The following UNC13C variants were observed in gnomAD, a reference collection of about 807,000 sequenced individuals.
UNC13C encodes protein unc-13 homolog C.
A neutral mutation model predicts 245.4 loss-of-function variants in UNC13C; 174 were observed. The observed-to-expected ratio is 0.71, with a 90% CI of 0.63 to 0.80. The LOEUF (loss-of-function observed/expected upper bound fraction) is 0.80. Ranked by LOEUF, UNC13C falls within the 30% of genes least tolerant of loss-of-function variation. The pLI is 0.00. For missense variants in UNC13C, 2,829 were observed against 2,602.9 expected, an observed-to-expected ratio of 1.09 and a Z score of -1.89; for synonymous variants, 992 against 895.1, an observed-to-expected ratio of 1.11 and a Z score of -1.93.
chr15:54,444,727 C>T (rs1457741506), intron 19 of UNC13C, among the ~76,000 whole-genome samples: 1 of 151,754 alleles, frequency 6.6e-6, no homozygotes, highest in Non-Finnish European at 1.5e-5. Flanking sequence ...TCCTTTTGTG[C>T]ATTTTTATGA....
chr15:54,626,855 G>T lies in UNC13C; in HGVS notation c.6387G>T (p.Gly2129=). Residue 2129 remains glycine, a synonymous_variant, in exon 33 of 33, where the codon GGG becomes GGT. Transcript: ENST00000260323. ...TTCTCGGAAAGGAAAATCGACCAGG[G>T]GCTTATGAACTTCATCTCTCAGTTA... ...QFILGKENRP[G]AYELHLSVKD... 1 of 1,612,774 alleles carries T rather than the reference G, an allele frequency of 6.2e-7. No individual in the cohort carries two copies. The highest frequency in any genetic ancestry group is 2.2e-5 in the East Asian group (1 of 44,798).
chr15:54,479,676 C>T (rs1460374923), intron 19 of UNC13C, among the ~76,000 whole-genome samples: 3 of 151,646 alleles, frequency 2.0e-5, no homozygotes, highest in African/African-American at 4.8e-5. Flanking sequence ...TTTGCCTTTA[C>T]AATTTTTTGG....
intron 4 of UNC13C, among the ~76,000 whole-genome samples, chr15:54,209,985 G>T (rs2034829558): frequency 6.6e-6 from 1 of 151,802 alleles, no homozygotes; most frequent in Non-Finnish European, 1.5e-5. Context: ...GAATATTTTT[G>T]AATCAATTTT....
chr15:54,380,609 C>T (rs1224195887), intron 17 of UNC13C, among the ~76,000 whole-genome samples: 1 of 151,450 alleles, frequency 6.6e-6, no homozygotes, highest in East Asian at 1.9e-4. Flanking sequence ...TCTTTATGTC[C>T]TAACCAACAC....
chr15:54,120,836 G>T (rs1309965022), intron 2 of UNC13C, among the ~76,000 whole-genome samples: 2 of 152,056 alleles, frequency 1.3e-5, no homozygotes, highest in African/African-American at 2.4e-5. Flanking sequence ...AGATGTGGTA[G>T]AACTAAAAAG....
At position 54,192,506 on chromosome 15, in the gene UNC13C, C is replaced by T. The variant is rs914161413; in HGVS notation, c.3072-42524C>T. 2.6e-5 allele frequency among the ~76,000 whole-genome samples: 4 copies of T among 152,140 alleles called. No homozygotes were observed. In the East Asian group the frequency reaches 7.7e-4, roughly 29 times the overall value. The stretch of plus-strand genomic sequence containing the variant: ...AACTGTGATTGGCAGCTGCCAGACT[C>T]TTCACAATACAGCCCCTTTCCTCCA... On this transcript the variant is annotated intron_variant, in intron 4 of 32. Coordinates refer to ENST00000260323, the MANE Select transcript of UNC13C (RefSeq NM_001080534.3).
chr15:54,628,343 G>A lies in UNC13C; in HGVS notation c.*1230G>A, dbSNP rs1361711034. ...TAACTTATGGTCATAACTGTTAGTG[G>A]ACTACTTACAGAAGCAGAAACAAGA... On this transcript the variant is annotated 3_prime_UTR_variant, in exon 33 of 33. Coordinates refer to ENST00000260323, the MANE Select transcript of UNC13C (RefSeq NM_001080534.3). 6.6e-6 allele frequency: 1 copy of A among 152,494 alleles called. No homozygotes were observed. The allele number at this position is 152,494 out of a possible 1,614,324, so 9.4% of individuals were successfully genotyped here. A position where few individuals can be genotyped will look rare whatever the true frequency, so the allele number is the denominator to read the frequency against.
At chr15:54,410,206 C>A (rs185699364) in intron 18 of UNC13C, among the ~76,000 whole-genome samples, 2 of 152,202 alleles carry the variant, frequency 1.3e-5, no homozygotes, top group East Asian at 3.9e-4. Flanking sequence ...GTTCTTTGTT[C>A]ATTTTTAATG....
In UNC13C at chr15:54,282,285, A is replaced by G. The variant is rs1182790602; in HGVS notation, c.3819-11610A>G. ...TATACATACATATACACATACATATATATCATCAATTCAATATGTATATAT... is the reference window on the plus strand; with the variant it reads ...TATACATACATATACACATACATATGTATCATCAATTCAATATGTATATAT... On this transcript the variant is annotated intron_variant, in intron 10 of 32. Coordinates refer to ENST00000260323, the MANE Select transcript of UNC13C (RefSeq NM_001080534.3). Among the ~76,000 whole-genome samples the G allele has an allele frequency of 3.9e-5, 6 of 152,230 alleles. No individual in the cohort carries two copies. The South Asian group carries it at 1.0e-3, about 26-fold the overall frequency.
chr15:53,932,180 G>A, the UNC13C span, among the ~76,000 whole-genome samples: 1 of 151,962 alleles, frequency 6.6e-6, no homozygotes, highest in African/African-American at 2.4e-5. Flanking sequence ...GTGGTGGCAC[G>A]TGCCTGTAGT....
intron 15 of UNC13C, 59 bp downstream of exon 15, chr15:54,332,170 C>T (rs1366252939): frequency 2.0e-5 from 24 of 1,225,972 alleles, no homozygotes; most frequent in Non-Finnish European, 1.4e-5. Context: ...GAATTTCTTG[C>T]CATATTGTAA....
intron 8 of UNC13C, among the ~76,000 whole-genome samples, chr15:54,250,934 T>A: frequency 6.6e-6 from 1 of 151,782 alleles, no homozygotes; most frequent in East Asian, 1.9e-4. Context: ...TTTTTTGTAT[T>A]TTTAGTAGAG....
In UNC13C at chr15:54,274,279, G is replaced by A. The variant is rs142015825; in HGVS notation, c.3818+8783G>A. On this transcript the variant is annotated intron_variant, in intron 10 of 32. Transcript: ENST00000260323. ...AGCTGGGCAAAAGAAGTTTTAAATA[G>A]GTAAGCAATGTGTTGAAGAAATATT... Among the ~76,000 whole-genome samples the A allele has an allele frequency of 5.0e-3, 768 of 152,210 alleles. 9 individuals carry two copies. Among genetic ancestry groups the A allele is most frequent in the South Asian group, 3.9e-3 (19 of 4,826 alleles).
chr15:54,129,049 A>T (rs1356507457), intron 2 of UNC13C, among the ~76,000 whole-genome samples: 2 of 152,330 alleles, frequency 1.3e-5, no homozygotes, highest in East Asian at 3.9e-4. Context: ...GAGTCCCAAG[A>T]TCAATAGCTA....
chr15:54,178,241 T>C (rs1200876355), intron 4 of UNC13C, among the ~76,000 whole-genome samples: 1 of 152,122 alleles, frequency 6.6e-6, no homozygotes, highest in East Asian at 1.9e-4. Context: ...TTGTTTGAAG[T>C]GGGGTGTAGG....
chr15:54,555,032 A>G (rs1453187937), intron 28 of UNC13C, among the ~76,000 whole-genome samples: 2 of 152,040 alleles, frequency 1.3e-5, no homozygotes, highest in Non-Finnish European at 2.9e-5. Flanking sequence ...AATAGACTTT[A>G]TCAGTAATAA....
chr15:53,848,058 C>G, the UNC13C span, among the ~76,000 whole-genome samples: 1 of 151,658 alleles, frequency 6.6e-6, no homozygotes, highest in South Asian at 2.1e-4. Flanking sequence ...TAGTGATGTT[C>G]TCTATTTCAT....
At chr15:54,506,332 A>G (rs190634389) in intron 22 of UNC13C, among the ~76,000 whole-genome samples, 49 of 152,306 alleles carry the variant, frequency 3.2e-4, no homozygotes, top group Admixed American at 1.2e-3. Context: ...ACGAATAAGT[A>G]TTTCATAGGT....
At chr15:53,979,517 TG>T (rs1368283843) in intron 1 of UNC13C, among the ~76,000 whole-genome samples, 60 of 152,220 alleles carry the variant, frequency 3.9e-4, no homozygotes, top group Admixed American at 1.4e-3. Flanking sequence ...AACTGTTCTG[TG>T]GTGCTCAAGG....
Sources: allele counts gnomAD v4.1 joint callset (sites outside exome capture counted in the v4.1 genomes callset), GRCh38; gene constraint gnomAD v4.1.1; transcripts MANE v1.5; gene names NCBI Gene and HGNC (gene_info 2026-07-23, HGNC 2026-07-21).